The following ITGAL variants were observed in gnomAD, a reference collection of about 807,000 sequenced individuals.
ITGAL encodes integrin alpha-L.
A neutral mutation model predicts 138.4 loss-of-function variants in ITGAL; 68 were observed. The observed-to-expected ratio is 0.49, with a 90% CI of 0.40 to 0.60. ITGAL has a LOEUF of 0.60. Among genes scored for constraint, ITGAL ranks in the 20% least tolerant of loss-of-function variants. The pLI is 0.00. For missense variants in ITGAL, 1,256 were observed against 1,478.6 expected (o/e 0.85, Z 2.47); for synonymous variants, 561 against 584.3 (o/e 0.96, Z 0.57).
At chr16:30,506,463 G>T (rs1462845770) in intron 20 of ITGAL, among the ~76,000 whole-genome samples, 1 of 148,296 alleles carries the variant, frequency 6.7e-6, no homozygotes, top group East Asian at 2.0e-4. Flanking sequence ...GGAGGTTGAG[G>T]CAGGAGAATG....
rs2050611529 is a variant in ITGAL at position 30,484,541 on chromosome 16, G to A, written c.1006+278G>A. Among the ~76,000 whole-genome samples the A allele has an allele frequency of 5.3e-5, 8 of 152,194 alleles. No homozygotes were observed. In the South Asian group the frequency reaches 1.7e-3, roughly 32 times the overall value. On this transcript the variant is annotated intron_variant, in intron 9 of 30. Coordinates refer to ENST00000356798, the MANE Select transcript of ITGAL (RefSeq NM_002209.3). ...AAGAATCGCTTGAACTCAGGAGGCA[G>A]AGGTTGCAGTGAGCCAAGATCGCAC...
chr16:30,497,050 A>G (rs2050810717), intron 15 of ITGAL, among the ~76,000 whole-genome samples: 1 of 152,170 alleles, frequency 6.6e-6, no homozygotes. Context: ...ATTAAAAATT[A>G]GCAGGGTGTG....
intron 7 of ITGAL, among the ~76,000 whole-genome samples, chr16:30,481,985 A>C (rs1342655538): frequency 6.6e-6 from 1 of 152,060 alleles, no homozygotes; most frequent in Non-Finnish European, 1.5e-5. Flanking sequence ...TCCACCTCCC[A>C]GGTTCAAGCC....
intron 17 of ITGAL, among the ~76,000 whole-genome samples, chr16:30,500,744 C>T (rs1221844117): frequency 2.0e-5 from 3 of 152,066 alleles, no homozygotes; most frequent in Non-Finnish European, 4.4e-5. Flanking sequence ...GTAGGCCAAG[C>T]GCGGTGGCTC....
At chr16:30,505,501 C>CTGT in intron 20 of ITGAL, 39 bp downstream of exon 20, 1 of 1,473,976 alleles carries the variant, frequency 6.8e-7, no homozygotes, top group Non-Finnish European at 9.5e-7. Flanking sequence ...CCCATCCACT[C>CTGT]TGTTTTAAGA....
Position 30,503,441 on chromosome 16 carries a change from C to CTT in ITGAL, c.2146-722_2146-721dup, listed in dbSNP as rs3075685. Among the ~76,000 whole-genome samples, 119 of 133,210 alleles carry CTT rather than the reference C, an allele frequency of 8.9e-4. 1 individual carries two copies. Among genetic ancestry groups the CTT allele is most frequent in the South Asian group, 2.6e-3 (11 of 4,312 alleles). 87.4% of individuals were successfully genotyped at this position (133,210 alleles called of 152,430 possible). The stretch of plus-strand genomic sequence containing the variant: ...GTGCCACCTTTTTAGTTTTCATTTT[C>CTT]TTTTTTTTTTTTTCTTTTCTAGAGG... On this transcript the variant is annotated intron_variant, in intron 17 of 30. Coordinates refer to ENST00000356798, the MANE Select transcript of ITGAL (RefSeq NM_002209.3).
intron 2 of ITGAL, among the ~76,000 whole-genome samples, chr16:30,474,774 T>C (rs1459446981): frequency 6.6e-6 from 1 of 152,064 alleles, no homozygotes; most frequent in Non-Finnish European, 1.5e-5. Context: ...GAACCTTAAT[T>C]TTCTAGGATT....
At chr16:30,486,198 G>A (rs993777513) in intron 9 of ITGAL, among the ~76,000 whole-genome samples, 1 of 152,142 alleles carries the variant, frequency 6.6e-6, no homozygotes, top group Non-Finnish European at 1.5e-5. Context: ...CTTGGTGTTC[G>A]GTTCAGTTAA....
chr16:30,512,703 T>G (rs2051107525), intron 24 of ITGAL, among the ~76,000 whole-genome samples: 2 of 152,004 alleles, frequency 1.3e-5, no homozygotes, highest in Non-Finnish European at 2.9e-5. Flanking sequence ...CTTTTTAAAT[T>G]TTTTTTATTT....
In ITGAL at chr16:30,511,126, C is replaced by A. The variant is rs374199105; in HGVS notation, c.2776C>A (p.Leu926Ile). ...CCCCATCCTGTACCCCATCAACATC[C>A]TCATCCAGGAGTAAGTTCTTCCCAG... The part of the protein sequence containing the change: ...IIPILYPINI[L>I]IQDQEDSTLY... The change falls in exon 24 of 31, where the codon CTC becomes ATC. Residue 926 changes from leucine (L) to isoleucine (I), a missense_variant. By Grantham distance (5) the Leu-to-Ile change is conservative. Transcript: ENST00000356798. The A allele has an allele frequency of 6.2e-7, 1 of 1,612,734 alleles. No homozygotes were observed. The highest frequency in any genetic ancestry group is 8.5e-7 in the Non-Finnish European group (1 of 1,178,888).
At chr16:30,520,506 C>T (rs1367274021) in intron 30 of ITGAL, among the ~76,000 whole-genome samples, 5 of 152,300 alleles carry the variant, frequency 3.3e-5, no homozygotes, top group South Asian at 4.1e-4. Context: ...CAGGACGAGG[C>T]GTCCTGGGAG....
At chr16:30,505,572 AGTT>A in intron 20 of ITGAL, 110 bp downstream of exon 20, 1 of 839,236 alleles carries the variant, frequency 1.2e-6, no homozygotes, top group Non-Finnish European at 2.0e-6. Context: ...CTTGGGCCTT[AGTT>A]TCCTTTTCTG....
chr16:30,510,622 T>A, intron 22 of ITGAL, 151 bp downstream of exon 22: 2 of 633,078 alleles, frequency 3.2e-6, no homozygotes, highest in East Asian at 2.7e-5. Flanking sequence ...GAATCTGTTC[T>A]GTGTCATGTT....
chr16:30,499,055 G>A lies in ITGAL; in HGVS notation c.1833-19G>A. 6.2e-7 allele frequency: 1 copy of A among 1,611,328 alleles called. No individual in the cohort carries two copies. Among genetic ancestry groups the A allele is most frequent in the Non-Finnish European group, 8.5e-7 (1 of 1,178,494 alleles). The stretch of plus-strand genomic sequence containing the variant: ...CAGTTGGGTTGGAGGGAGAGAGTTG[G>A]TTGCCTTCTGCCCTGCAGCTCCCGG... On this transcript the variant is annotated intron_variant, in intron 15 of 30. Coordinates refer to ENST00000356798, the MANE Select transcript of ITGAL (RefSeq NM_002209.3).
chr16:30,505,430 G>C lies in ITGAL; in HGVS notation c.2334G>C (p.Glu778Asp), dbSNP rs200200372. Residue 778 changes from glutamate to aspartate, a missense_variant, in exon 20 of 31, where the codon GAG becomes GAC. Coordinates refer to ENST00000356798, the MANE Select transcript of ITGAL (RefSeq NM_002209.3). ...ACTGTGGGGAGGACAAGAAGTGTGAGGCAAACTTGAGAGTGTCCTTCTCTC... is the reference window on the plus strand; with the variant it reads ...ACTGTGGGGAGGACAAGAAGTGTGACGCAAACTTGAGAGTGTCCTTCTCTC... ...EKNCGEDKKC[E>D]ANLRVSFSPA... 7.9e-5 allele frequency: 128 copies of C among 1,613,916 alleles called. 1 individual carries two copies. The East Asian group carries it at 2.4e-3, about 30-fold the overall frequency.
At chr16:30,499,001 C>A in intron 15 of ITGAL, 73 bp from the exon 16 acceptor site, 1 of 1,461,022 alleles carries the variant, frequency 6.8e-7, no homozygotes, top group Non-Finnish European at 9.4e-7. Context: ...GCTTTGCTGG[C>A]GGGAGCCCCA....
At chr16:30,472,987 G>A in intron 1 of ITGAL, 89 bp downstream of exon 1, 1 of 1,290,080 alleles carries the variant, frequency 7.8e-7, no homozygotes, top group Non-Finnish European at 1.1e-6. Flanking sequence ...ACAAGGAGCT[G>A]CCCCCTAAAA....
intron 1 of ITGAL, among the ~76,000 whole-genome samples, chr16:30,473,162 T>C (rs898315182): frequency 6.6e-6 from 1 of 152,162 alleles, no homozygotes; most frequent in Admixed American, 6.5e-5. Context: ...CCAGGCGCGG[T>C]GGCTCACGCC....
Position 30,503,543 on chromosome 16 carries a change from A to AAGGG in ITGAL, c.2146-616_2146-613dup, listed in dbSNP as rs368137456. Among the ~76,000 whole-genome samples the AAGGG allele has an allele frequency of 1.8e-4, 25 of 139,636 alleles. 1 individual carries two copies. The South Asian group carries it at 1.9e-3, about 11-fold the overall frequency. The allele number at this position is 139,636 out of a possible 152,430, so 91.6% of individuals were successfully genotyped here. Reference sequence around the variant, plus strand: ...AGGAAGGACAACGGAGGAAGGAAGGAAGGGAGGGAGGGAGGGAGGCAGGCA... The same window carrying AAGGG: ...AGGAAGGACAACGGAGGAAGGAAGGAAGGGAGGGAGGGAGGGAGGGAGGCAGGCA... On this transcript the variant is annotated intron_variant, in intron 17 of 30. Coordinates refer to ENST00000356798, the MANE Select transcript of ITGAL (RefSeq NM_002209.3).
Sources: allele counts gnomAD v4.1 joint callset (sites outside exome capture counted in the v4.1 genomes callset), GRCh38; gene constraint gnomAD v4.1.1; transcripts MANE v1.5; gene names NCBI Gene and HGNC (gene_info 2026-07-23, HGNC 2026-07-21).